Variants in SLC9C1 observed in about 807,000 individuals in gnomAD.
SLC9C1 encodes the protein solute carrier family 9 member C1.
In SLC9C1, 97 loss-of-function variants were observed where a neutral mutation model predicts 140.9. The ratio of observed to expected loss-of-function variants is 0.69; its 90% CI spans 0.58 to 0.82. The LOEUF (loss-of-function observed/expected upper bound fraction) is 0.82. Among genes scored for constraint, SLC9C1 ranks in the 40% least tolerant of loss-of-function variants. The probability of loss-of-function intolerance (pLI) is 0.00; values close to 1 mark genes in which losing one functional copy is unlikely to be tolerated. For synonymous variants in SLC9C1, 440 were observed against 442.6 expected (o/e 0.99, Z 0.07); for missense variants, 1,340 against 1,389.3 (o/e 0.96, Z 0.56).
At chr3:112,150,842 T>TATATA (rs1560003735) in intron 28 of SLC9C1, among the ~76,000 whole-genome samples, 2 of 39,092 alleles carry the variant, frequency 5.1e-5, no homozygotes, top group African/African-American at 3.8e-4. Context: ...ATATATATAT[T>TATATA]TTTTTTTTTT....
chr3:112,264,097 T>G (rs2079850892), intron 9 of SLC9C1, 103 bp downstream of exon 9: 1 of 557,574 alleles, frequency 1.8e-6, no homozygotes, highest in Non-Finnish European at 2.6e-6. Flanking sequence ...AAAGTTTGAG[T>G]CAATTTTTCA....
At chr3:112,199,640 C>T (rs371389643) in intron 19 of SLC9C1, among the ~76,000 whole-genome samples, 171 bp from the exon 20 acceptor site, 41 of 152,110 alleles carry the variant, frequency 2.7e-4, no homozygotes, top group African/African-American at 7.2e-4. Flanking sequence ...ACTAGTAGTG[C>T]CAGAGTTCTG....
intron 13 of SLC9C1, among the ~76,000 whole-genome samples, chr3:112,230,663 G>A (rs562815775): frequency 2.0e-5 from 3 of 152,094 alleles, no homozygotes; most frequent in Non-Finnish European, 4.4e-5. Flanking sequence ...TAGAGTGATT[G>A]GAATCCTACA....
intron 20 of SLC9C1, among the ~76,000 whole-genome samples, chr3:112,196,521 C>T (rs2077771697): frequency 6.6e-6 from 1 of 151,998 alleles, no homozygotes; most frequent in South Asian, 2.1e-4. Context: ...TATTGGTCTG[C>T]TTCAGGTGTC....
At chr3:112,158,957 AT>A (rs555578813) in intron 26 of SLC9C1, among the ~76,000 whole-genome samples, 8 of 151,678 alleles carry the variant, frequency 5.3e-5, no homozygotes, top group East Asian at 1.9e-4. Flanking sequence ...TTAAAAAAAA[AT>A]ATTTTTGCCA....
At chr3:112,286,246 A>AT (rs2080504521) in intron 2 of SLC9C1, among the ~76,000 whole-genome samples, 2 of 152,030 alleles carry the variant, frequency 1.3e-5, no homozygotes, top group African/African-American at 4.8e-5. Context: ...CTTCCATTTC[A>AT]TTTTTTTCTG....
intron 13 of SLC9C1, among the ~76,000 whole-genome samples, chr3:112,229,434 T>C (rs531405451): frequency 1.5e-3 from 222 of 152,260 alleles, no homozygotes; most frequent in African/African-American, 5.1e-3. Context: ...AATATTACAT[T>C]GTGCCTCATA....
intron 8 of SLC9C1, 85 bp from the exon 9 acceptor site, chr3:112,264,428 T>A: frequency 8.0e-6 from 6 of 753,366 alleles, no homozygotes; most frequent in Non-Finnish European, 1.1e-5. Context: ...TGAATCATTG[T>A]GCTAATGATT....
chr3:112,230,437 C>T (rs1379094434), intron 13 of SLC9C1, among the ~76,000 whole-genome samples: 4 of 152,122 alleles, frequency 2.6e-5, no homozygotes, highest in Non-Finnish European at 4.4e-5. Context: ...GATAGCAATA[C>T]CTAATTTGGT....
Position 112,266,300 on chromosome 3 carries a change from A to C in SLC9C1, c.816T>G (p.Ile272Met). ...VGMSGIFTLA[I>M]VGLLLNSTSF... ...TTGTAGAATTTAAAAGAAGTCCCAC[A>C]ATGGCCAGAGTAAATATTCCTGACA... Residue 272 changes from isoleucine (I) to methionine (M), a missense_variant, in exon 8 of 29, where the codon ATT (isoleucine) becomes ATG (methionine). Physicochemically the swap from Ile to Met is conservative, Grantham distance 10 (BLOSUM62 1). Transcript: ENST00000305815. 12 of 1,611,242 alleles carry C rather than the reference A, an allele frequency of 7.4e-6. No homozygotes were observed. Among genetic ancestry groups the C allele is most frequent in the Non-Finnish European group, 1.0e-5 (12 of 1,178,994 alleles).
intron 14 of SLC9C1, among the ~76,000 whole-genome samples, chr3:112,218,500 A>G (rs2078450984): frequency 6.6e-6 from 1 of 152,232 alleles, no homozygotes; most frequent in Admixed American, 6.5e-5. Flanking sequence ...AAGTCATTCA[A>G]TTATCTGATA....
intron 13 of SLC9C1, among the ~76,000 whole-genome samples, chr3:112,230,679 G>A (rs556172441): frequency 6.6e-6 from 1 of 152,230 alleles, no homozygotes; most frequent in African/African-American, 2.4e-5. Flanking sequence ...CTACATGGCT[G>A]GAATAGCTGA....
chr3:112,190,251 C>T (rs1362232816), intron 20 of SLC9C1, among the ~76,000 whole-genome samples: 1 of 152,136 alleles, frequency 6.6e-6, no homozygotes, highest in African/African-American at 2.4e-5. Flanking sequence ...ATTGCCCTGG[C>T]CAGAACTTCT....
At chr3:112,257,396 C>T (rs2079638516) in intron 10 of SLC9C1, among the ~76,000 whole-genome samples, 2 of 152,056 alleles carry the variant, frequency 1.3e-5, no homozygotes, top group Non-Finnish European at 2.9e-5. Flanking sequence ...AATAAGGCTG[C>T]ACACCTACAA....
At chr3:112,273,750 A>G (rs1318952817) in intron 6 of SLC9C1, among the ~76,000 whole-genome samples, 2 of 152,176 alleles carry the variant, frequency 1.3e-5, no homozygotes, top group South Asian at 2.1e-4. Context: ...CTTGAGTAGT[A>G]GGAGAGGAAT....
intron 20 of SLC9C1, among the ~76,000 whole-genome samples, chr3:112,193,359 T>C (rs1466174757): frequency 2.0e-5 from 3 of 152,160 alleles, no homozygotes; most frequent in African/African-American, 7.2e-5. Flanking sequence ...GGGCTTTTTT[T>C]CTGGTCTGGC....
At chr3:112,202,596 A>G (rs1483084152) in intron 17 of SLC9C1, among the ~76,000 whole-genome samples, 197 bp from the exon 18 acceptor site, 1 of 151,926 alleles carries the variant, frequency 6.6e-6, no homozygotes, top group Non-Finnish European at 1.5e-5. Flanking sequence ...CCTATAACTA[A>G]TAATTTGGGG....
intron 28 of SLC9C1, among the ~76,000 whole-genome samples, chr3:112,150,414 A>G (rs2074922776): frequency 6.6e-6 from 1 of 152,022 alleles, no homozygotes; most frequent in Admixed American, 6.6e-5. Flanking sequence ...GAAGCTCTCT[A>G]CTTCTCTCAT....
chr3:112,195,383 T>C (rs1335234305), intron 20 of SLC9C1, among the ~76,000 whole-genome samples: 1 of 152,178 alleles, frequency 6.6e-6, no homozygotes, highest in Non-Finnish European at 1.5e-5. Flanking sequence ...AGTTGGATCA[T>C]GTTTTTTGAT....
Sources: gnomAD v4.1 joint callset for allele counts (sites outside exome capture counted in the v4.1 genomes callset) on GRCh38, gnomAD v4.1.1 for gene constraint, MANE v1.5 for transcripts, NCBI Gene and HGNC (gene_info 2026-07-23, HGNC 2026-07-21) for gene names.